RSF1: variants seen among roughly 807,000 people sequenced by gnomAD.
RSF1 encodes the protein HBV pX-associated protein 8.
RSF1 carries 13 observed loss-of-function variants against 145.2 expected under a neutral mutation model. The observed-to-expected ratio is 0.09, with a 90% CI of 0.06 to 0.14. RSF1 has a LOEUF of 0.14. Among genes scored for constraint, RSF1 ranks in the 10% least tolerant of loss-of-function variants. The pLI is 1.00. For synonymous variants in RSF1, 577 were observed against 592.6 expected, an observed-to-expected ratio of 0.97 and a Z score of 0.38; for missense variants, 1,517 against 1,718.2, an observed-to-expected ratio of 0.88 and a Z score of 2.07.
At chr11:77,797,331 A>G (rs1450125964) in intron 1 of RSF1, among the ~76,000 whole-genome samples, 2 of 152,212 alleles carry the variant, frequency 1.3e-5, no homozygotes, top group Non-Finnish European at 2.9e-5. Flanking sequence ...CCAATGGAGC[A>G]AAACAGAGGC....
At chr11:77,820,500 C>T in intron 1 of RSF1, 28 bp downstream of exon 1, 1 of 1,544,568 alleles carries the variant, frequency 6.5e-7, no homozygotes, top group African/African-American at 1.4e-5. Flanking sequence ...GGGCCGCTTC[C>T]CGCCGGGCGT....
At chr11:77,738,157 T>C in intron 4 of RSF1, among the ~76,000 whole-genome samples, 1 of 151,964 alleles carries the variant, frequency 6.6e-6, no homozygotes, top group East Asian at 1.9e-4. Context: ...GAAAAGCGAA[T>C]AGTTAAAAAG....
intron 2 of RSF1, among the ~76,000 whole-genome samples, chr11:77,760,999 C>A (rs1359672046): frequency 6.6e-6 from 1 of 152,088 alleles, no homozygotes; most frequent in East Asian, 1.9e-4. Context: ...GCGATCTCGG[C>A]TCACTGCAAC....
intron 3 of RSF1, 40 bp from the exon 4 acceptor site, chr11:77,740,976 A>G: frequency 2.1e-6 from 3 of 1,401,624 alleles, no homozygotes; most frequent in Non-Finnish European, 3.0e-6. Context: ...TACCTCACAA[A>G]TATTTCTCCA....
At chr11:77,847,490 G>A in the RSF1 span, among the ~76,000 whole-genome samples, 1 of 152,280 alleles carries the variant, frequency 6.6e-6, no homozygotes, top group East Asian at 1.9e-4. Flanking sequence ...GTGACACCCA[G>A]TTACCAACCT....
chr11:77,728,591 A>AAAGGG (rs567178582), intron 4 of RSF1, among the ~76,000 whole-genome samples: 38 of 151,758 alleles, frequency 2.5e-4, no homozygotes, highest in African/African-American at 4.8e-4. Context: ...AGGGAAGGAA[A>AAAGGG]AAGGGAAGGG....
At chr11:77,669,023 T>C (rs745645639) in intron 15 of RSF1, among the ~76,000 whole-genome samples, 1 of 152,214 alleles carries the variant, frequency 6.6e-6, no homozygotes, top group Non-Finnish European at 1.5e-5. Context: ...ATGATGTGTC[T>C]AAAACTGGGC....
intron 5 of RSF1, 116 bp from the exon 6 acceptor site, chr11:77,702,611 T>C: frequency 1.8e-6 from 1 of 564,248 alleles, no homozygotes; most frequent in Non-Finnish European, 2.7e-6. Flanking sequence ...AGGTGGCCTC[T>C]GTCATTGGAT....
At chr11:77,709,296 T>C (rs1333996211) in intron 5 of RSF1, among the ~76,000 whole-genome samples, 1 of 152,198 alleles carries the variant, frequency 6.6e-6, no homozygotes, top group Non-Finnish European at 1.5e-5. Flanking sequence ...CTATACTATA[T>C]ATTTTATTTA....
the RSF1 span, among the ~76,000 whole-genome samples, chr11:77,833,025 T>G: frequency 1.4e-4 from 20 of 139,794 alleles, no homozygotes; most frequent in Admixed American, 5.8e-4. Context: ...TTTTTTTTTT[T>G]TTTTGAGACA....
At chr11:77,866,438 A>G in the RSF1 span, 10 of 152,232 alleles carry the variant, frequency 6.6e-5, no homozygotes, top group African/African-American at 2.4e-4. Flanking sequence ...GGATGCCTCA[A>G]TAATAGTCTC....
At chr11:77,761,668 A>C (rs1948173358) in intron 2 of RSF1, among the ~76,000 whole-genome samples, 1 of 152,116 alleles carries the variant, frequency 6.6e-6, no homozygotes, top group South Asian at 2.1e-4. Context: ...CAACCACAGA[A>C]AATAGGGGAA....
rs747257818 is a variant in RSF1 at position 77,701,851 on chromosome 11, T to C, written c.1378A>G (p.Ile460Val). 1.2e-6 allele frequency: 2 copies of C among 1,614,116 alleles called. No homozygotes were observed. The highest frequency in any genetic ancestry group is 2.2e-5 in the South Asian group (2 of 91,078). ...TTTGTCTCATAAAACTTTGTCTCTATTGGTTCTGTCTTAAAATTTGGAGCT... is the reference window on the plus strand; with the variant it reads ...TTTGTCTCATAAAACTTTGTCTCTACTGGTTCTGTCTTAAAATTTGGAGCT... ...RVAPNFKTEP[I>V]ETKFYETKEE... The change falls in exon 6 of 16, where the codon ATA becomes GTA. Residue 460 changes from isoleucine to valine, a missense_variant. Ile to Val is a conservative substitution (Grantham distance 29, BLOSUM62 3). Around this residue, in one of 12 missense-constraint regions of RSF1, gnomAD observed 579 missense variants for 553.5 expected, o/e 1.05. Coordinates refer to ENST00000308488, the MANE Select transcript of RSF1 (RefSeq NM_016578.4).
chr11:77,739,964 C>G (rs1034124792), intron 4 of RSF1, among the ~76,000 whole-genome samples: 5 of 152,164 alleles, frequency 3.3e-5, no homozygotes, highest in Non-Finnish European at 5.9e-5. Flanking sequence ...GTGCAATGTT[C>G]CCAAGATTTC....
chr11:77,820,098 G>C (rs1437611994), intron 1 of RSF1, among the ~76,000 whole-genome samples: 1 of 152,196 alleles, frequency 6.6e-6, no homozygotes, highest in African/African-American at 2.4e-5. Flanking sequence ...GGGAAGACTG[G>C]TGGGAGGAGG....
chr11:77,681,091 C>T (rs1959847130), intron 11 of RSF1, among the ~76,000 whole-genome samples: 1 of 152,238 alleles, frequency 6.6e-6, no homozygotes, highest in Non-Finnish European at 1.5e-5. Flanking sequence ...ATTTTTAATG[C>T]AACTAAACAG....
At chr11:77,819,569 C>T (rs1355446329) in intron 1 of RSF1, among the ~76,000 whole-genome samples, 1 of 152,206 alleles carries the variant, frequency 6.6e-6, no homozygotes, top group Non-Finnish European at 1.5e-5. Context: ...AGACCAGCGG[C>T]ACCAGAGAGA....
At chr11:77,853,716 G>T in the RSF1 span, among the ~76,000 whole-genome samples, 4 of 152,218 alleles carry the variant, frequency 2.6e-5, no homozygotes, top group South Asian at 2.1e-4. Flanking sequence ...CAAAGTGGAT[G>T]GATTGCTTCA....
intron 5 of RSF1, among the ~76,000 whole-genome samples, chr11:77,707,317 T>TACTAA (rs544690673): frequency 7.9e-4 from 120 of 152,332 alleles, no homozygotes; most frequent in African/African-American, 2.7e-3. Flanking sequence ...AGGTAGCTTT[T>TACTAA]ACTAACAGGA....
Sources: gnomAD v4.1 joint callset for allele counts (sites outside exome capture counted in the v4.1 genomes callset) on GRCh38, gnomAD v4.1.1 for gene constraint, gnomAD v4.1.1 regional missense constraint, MANE v1.5 for transcripts, NCBI Gene and HGNC (gene_info 2026-07-23, HGNC 2026-07-21) for gene names.